The following TEX9 variants were observed in gnomAD, a reference collection of about 807,000 sequenced individuals.
TEX9 encodes the protein testis-expressed protein 9.
A neutral mutation model predicts 59.6 loss-of-function variants in TEX9; 74 were observed. That is an observed-to-expected ratio of 1.24 (90% CI 1.03 to 1.51). The LOEUF (loss-of-function observed/expected upper bound fraction) is 1.51. Among genes scored for constraint, TEX9 ranks in the 40% most tolerant of loss-of-function variants. The pLI is 0.00. For synonymous variants in TEX9, 186 were observed against 152.2 expected (o/e 1.22, Z -1.64); for missense variants, 522 against 447.8 (o/e 1.17, Z -1.49).
intron 1 of TEX9, among the ~76,000 whole-genome samples, chr15:56,290,472 C>T (rs1323586304): frequency 6.6e-6 from 1 of 152,006 alleles, no homozygotes; most frequent in East Asian, 1.9e-4. Flanking sequence ...TTTTTCAATA[C>T]AGGTCTTGCT....
chr15:56,394,381 T>C, intron 8 of TEX9, 134 bp downstream of exon 8: 2 of 741,594 alleles, frequency 2.7e-6, no homozygotes, highest in Non-Finnish European at 4.2e-6. Context: ...TGTATATAAG[T>C]ACTGAACTTT....
intron 12 of TEX9, among the ~76,000 whole-genome samples, chr15:56,443,103 C>G (rs1294786898): frequency 6.6e-6 from 1 of 152,110 alleles, no homozygotes; most frequent in Non-Finnish European, 1.5e-5. Flanking sequence ...CTCATATTAA[C>G]GTAGCAACTC....
the TEX9 span, among the ~76,000 whole-genome samples, chr15:56,459,269 G>T: frequency 6.6e-6 from 1 of 152,272 alleles, no homozygotes; most frequent in East Asian, 1.9e-4. Context: ...AGGTTCATCC[G>T]TGTTGTAGCA....
At chr15:56,280,810 A>G (rs1157585449) in intron 1 of TEX9, among the ~76,000 whole-genome samples, 3 of 152,364 alleles carry the variant, frequency 2.0e-5, no homozygotes, top group East Asian at 3.9e-4. Context: ...CCTAAGACTG[A>G]GTATTAATTA....
rs745638745 is a variant in TEX9 at position 56,434,268 on chromosome 15, A to G, written c.*29+5795A>G. 1 of 1,613,918 alleles carries G rather than the reference A, an allele frequency of 6.2e-7. No homozygotes were observed. The highest frequency in any genetic ancestry group is 1.7e-5 in the Admixed American group (1 of 59,940). On this transcript the variant is annotated intron_variant, in intron 12 of 12. Coordinates refer to ENST00000352903, the Ensembl canonical transcript of TEX9. ...TCGATCATCCTCAGCAAATTTAGCT[A>G]GCATAGTTTTTCTAAAGTTCTCCTC...
At chr15:56,413,652 G>A in intron 10 of TEX9, among the ~76,000 whole-genome samples, 1 of 151,240 alleles carries the variant, frequency 6.6e-6, no homozygotes, top group East Asian at 1.9e-4. Flanking sequence ...TACCATATTT[G>A]TTTTTCTTTA....
intron 1 of TEX9, among the ~76,000 whole-genome samples, chr15:56,317,421 C>T (rs1415316673): frequency 1.3e-5 from 2 of 152,126 alleles, no homozygotes; most frequent in African/African-American, 2.4e-5. Flanking sequence ...AAGTTTTCCC[C>T]TCTCTTTTCC....
At chr15:56,336,986 C>T (rs908183201) in intron 1 of TEX9, among the ~76,000 whole-genome samples, 1 of 152,160 alleles carries the variant, frequency 6.6e-6, no homozygotes, top group African/African-American at 2.4e-5. Flanking sequence ...GGTATCTGAA[C>T]AATGCATGAC....
exon 11 of TEX9, chr15:56,427,664 A>C (rs144227972): frequency 6.4e-7 from 1 of 1,550,744 alleles, no homozygotes; most frequent in East Asian, 2.4e-5. Flanking sequence ...ACAAGAAGCT[A>C]GAAAAACAAA....
chr15:56,445,938 G>T (rs1027543387), downstream of TEX9: 1 of 152,016 alleles, frequency 6.6e-6, no homozygotes, highest in East Asian at 1.9e-4. Context: ...CTTAGCAAAT[G>T]AAGTCTCTCC....
At chr15:56,324,411 C>A (rs1243305402) in intron 1 of TEX9, among the ~76,000 whole-genome samples, 1 of 152,058 alleles carries the variant, frequency 6.6e-6, no homozygotes, top group East Asian at 1.9e-4. Context: ...CTTAGGAAGG[C>A]ATATTAACAT....
intron 2 of TEX9, among the ~76,000 whole-genome samples, chr15:56,373,013 A>T (rs1355396539): frequency 6.6e-6 from 1 of 152,134 alleles, no homozygotes; most frequent in African/African-American, 2.4e-5. Flanking sequence ...CAATACCCCA[A>T]ACCAGAGCAG....
At chr15:56,357,666 GT>G (rs2046709269) in intron 1 of TEX9, among the ~76,000 whole-genome samples, 1 of 152,024 alleles carries the variant, frequency 6.6e-6, no homozygotes, top group Non-Finnish European at 1.5e-5. Flanking sequence ...CTAATTATCT[GT>G]TTATAATCTG....
At chr15:56,435,914 A>G (rs1294793452) in intron 12 of TEX9, among the ~76,000 whole-genome samples, 1 of 152,064 alleles carries the variant, frequency 6.6e-6, no homozygotes, top group East Asian at 1.9e-4. Flanking sequence ...TATTAGAAAA[A>G]TAGATCATAC....
chr15:56,418,822 G>C (rs936948610), intron 10 of TEX9, among the ~76,000 whole-genome samples: 1 of 151,840 alleles, frequency 6.6e-6, no homozygotes, highest in Admixed American at 6.6e-5. Flanking sequence ...AAAGTATATG[G>C]TGCTTTGAGC....
chr15:56,348,109 C>G (rs1210145300), intron 1 of TEX9, among the ~76,000 whole-genome samples: 2 of 152,076 alleles, frequency 1.3e-5, no homozygotes, highest in African/African-American at 2.4e-5. Context: ...TATAATTTTA[C>G]AAGATACCAC....
At chr15:56,340,801 C>G (rs977967437) in intron 1 of TEX9, among the ~76,000 whole-genome samples, 16 of 152,162 alleles carry the variant, frequency 1.1e-4, no homozygotes, top group Admixed American at 3.9e-4. Context: ...ATTGCCAAGA[C>G]AGGAGTGGGT....
chr15:56,295,740 G>A (rs1371950360), intron 1 of TEX9, among the ~76,000 whole-genome samples: 1 of 152,182 alleles, frequency 6.6e-6, no homozygotes, highest in East Asian at 1.9e-4. Flanking sequence ...TAAAGCCACA[G>A]TCTTCTGCTC....
At chr15:56,457,855 A>T in the TEX9 span, among the ~76,000 whole-genome samples, 77 of 151,976 alleles carry the variant, frequency 5.1e-4, no homozygotes, top group Non-Finnish European at 1.5e-4. Context: ...ACACAACTCA[A>T]CAATTTTACC....
Sources: allele counts gnomAD v4.1 joint callset (sites outside exome capture counted in the v4.1 genomes callset), GRCh38; gene constraint gnomAD v4.1.1; transcripts MANE v1.5; gene names NCBI Gene and HGNC (gene_info 2026-07-23, HGNC 2026-07-21).